NTM: variants seen among roughly 807,000 people sequenced by gnomAD.
NTM encodes neurotrimin.
In NTM, 13 loss-of-function variants were observed where a neutral mutation model predicts 42.1. The observed-to-expected ratio is 0.31, with a 90% confidence interval of 0.20 to 0.49. The LOEUF (loss-of-function observed/expected upper bound fraction) is 0.49. Ranked by LOEUF, NTM falls within the 20% of genes least tolerant of loss-of-function variation. The pLI is 0.99. For synonymous variants in NTM, 187 were observed against 179.2 expected (o/e 1.04, Z -0.35); for missense variants, 373 against 452.8 (o/e 0.82, Z 1.60).
At position 132,247,418 on chromosome 11, in the gene NTM, G is replaced by T. The variant is rs79154457; in HGVS notation, c.526+35271G>T. ...GGGATCATAACTTCCTCAGAGGCAGGTTGTAAGCAAGCAATCAGTGAGGAA... is the reference window on the plus strand; with the variant it reads ...GGGATCATAACTTCCTCAGAGGCAGTTTGTAAGCAAGCAATCAGTGAGGAA... On this transcript the variant is annotated intron_variant, in intron 4 of 8. Transcript: ENST00000683400. Among the ~76,000 whole-genome samples the T allele has an allele frequency of 6.8e-4, 103 of 152,332 alleles. 3 individuals carry two copies. In the East Asian group the frequency reaches 0.019, roughly 29 times the overall value.
intron 4 of NTM, among the ~76,000 whole-genome samples, chr11:132,288,498 C>T (rs1254782776): frequency 2.0e-5 from 3 of 152,244 alleles, no homozygotes; most frequent in Non-Finnish European, 1.5e-5. Flanking sequence ...TACATCAATT[C>T]ATGTATAGAA....
In NTM at chr11:132,002,442, A is replaced by G. The variant is rs2069516105; in HGVS notation, c.167+90794A>G. ...TTGGTTGAATAGGATAAGAATGAGA[A>G]TTTTGAGTGTCAGTGATCAACAATT... On this transcript the variant is annotated intron_variant, in intron 2 of 8. Transcript: ENST00000683400. The surrounding 1 kb of genome is among the most constrained non-coding windows in gnomAD (Gnocchi z 4.5). Among the ~76,000 whole-genome samples, 1 of 152,174 alleles carries G rather than the reference A, an allele frequency of 6.6e-6. No homozygotes were observed. Among genetic ancestry groups the G allele is most frequent in the Non-Finnish European group, 1.5e-5 (1 of 68,026 alleles).
chr11:131,424,600 C>CTTTTCTTTTCTTTTTTTTTTTT (rs1555108116), intron 1 of NTM, among the ~76,000 whole-genome samples: 1 of 56,052 alleles, frequency 1.8e-5, no homozygotes, highest in African/African-American at 7.3e-5. Context: ...CTTTTCTTTT[C>CTTTTCTTTTCTTTTTTTTTTTT]TTTTTTTTTT....
intron 1 of NTM, among the ~76,000 whole-genome samples, chr11:131,526,232 C>A (rs577506949): frequency 1.3e-5 from 2 of 152,196 alleles, no homozygotes; most frequent in Admixed American, 1.3e-4. Context: ...GTCTGACCCC[C>A]ACTTTACTGC....
At chr11:131,500,186 G>C (rs564383649) in intron 1 of NTM, among the ~76,000 whole-genome samples, 1 of 152,162 alleles carries the variant, frequency 6.6e-6, no homozygotes, top group Non-Finnish European at 1.5e-5. Context: ...CAGAGGAGGC[G>C]GGAGAGAGGA....
intron 4 of NTM, among the ~76,000 whole-genome samples, chr11:132,265,754 T>A (rs938896770): frequency 6.6e-6 from 1 of 152,212 alleles, no homozygotes; most frequent in African/African-American, 2.4e-5. Flanking sequence ...TTCAAGCATT[T>A]TTTTTATGTA....
rs1491351083 is a variant in NTM at position 131,874,029 on chromosome 11, TAA to T, written c.83-37534_83-37533del. 9.0e-4 allele frequency among the ~76,000 whole-genome samples: 46 copies of T among 50,950 alleles called. 3 individuals carry two copies. Among genetic ancestry groups the T allele is most frequent in the Middle Eastern group, 0.011 (1 of 90 alleles). 33.4% of individuals were successfully genotyped at this position (50,950 alleles called of 152,430 possible). A position where few individuals can be genotyped will look rare whatever the true frequency, so the allele number is the denominator to read the frequency against. Reference sequence around the variant, plus strand: ...TATAATATATTTATATAATATAATATAATATATATATATATATATATATATAT... The same window carrying T: ...TATAATATATTTATATAATATAATATTATATATATATATATATATATATAT... On this transcript the variant is annotated intron_variant, in intron 1 of 8. Transcript: ENST00000683400.
In NTM at chr11:131,936,665, A is replaced by G. The variant is rs116120430; in HGVS notation, c.167+25017A>G. ...AATAAAAACAATTTTTTAAAAAACT[A>G]CGCACATGCATACACACACAAACAC... On this transcript the variant is annotated intron_variant, in intron 2 of 8. Transcript: ENST00000683400. Among the ~76,000 whole-genome samples, 442 of 152,358 alleles carry G rather than the reference A, an allele frequency of 2.9e-3. 7 individuals carry two copies. Among genetic ancestry groups the G allele is most frequent in the African/African-American group, 9.6e-3 (398 of 41,582 alleles).
At chr11:131,838,626 G>A (rs540615045) in intron 1 of NTM, among the ~76,000 whole-genome samples, 5 of 152,282 alleles carry the variant, frequency 3.3e-5, no homozygotes, top group South Asian at 4.2e-4. Flanking sequence ...GGAACAGAGG[G>A]AGAAAGTTAA....
chr11:131,613,448 A>AG (rs371662970), intron 1 of NTM, among the ~76,000 whole-genome samples: 46 of 152,312 alleles, frequency 3.0e-4, no homozygotes, highest in African/African-American at 1.1e-3. Context: ...CCCCATCCTC[A>AG]GGTGGCTCCT....
intron 4 of NTM, among the ~76,000 whole-genome samples, chr11:132,286,522 C>G (rs567609713): frequency 8.2e-4 from 125 of 152,220 alleles, no homozygotes; most frequent in Non-Finnish European, 1.2e-3. Flanking sequence ...GTCCGCCCCC[C>G]CCACCCAAAC....
intron 1 of NTM, among the ~76,000 whole-genome samples, chr11:131,763,594 T>C (rs1479812856): frequency 6.6e-6 from 1 of 151,908 alleles, no homozygotes; most frequent in Non-Finnish European, 1.5e-5. Context: ...AAAATCCCTA[T>C]ACATGTCTGA....
At chr11:132,030,379 G>A (rs2075760401) in intron 2 of NTM, among the ~76,000 whole-genome samples, 1 of 152,172 alleles carries the variant, frequency 6.6e-6, no homozygotes, top group Admixed American at 6.5e-5. Context: ...CCAAAACACT[G>A]TGCTGTAGGA....
chr11:131,464,769 G>A (rs1016164821), intron 1 of NTM, among the ~76,000 whole-genome samples: 5 of 152,216 alleles, frequency 3.3e-5, no homozygotes, highest in African/African-American at 1.2e-4. Flanking sequence ...ATCTGTCAGT[G>A]TCCAAGCGGG....
At chr11:132,288,200 A>C (rs1591764401) in intron 4 of NTM, among the ~76,000 whole-genome samples, 1 of 152,216 alleles carries the variant, frequency 6.6e-6, no homozygotes, top group African/African-American at 2.4e-5. Context: ...TATGATTCTT[A>C]GTGGAATAGA....
chr11:132,335,678 G>A lies in NTM; in HGVS notation c.*532G>A, dbSNP rs1282006273. The A allele has an allele frequency of 3.3e-5, 5 of 152,050 alleles. No homozygotes were observed. Among genetic ancestry groups the A allele is most frequent in the African/African-American group, 1.2e-4 (5 of 41,302 alleles). The allele number at this position is 152,050 out of a possible 1,614,324, so 9.4% of individuals were successfully genotyped here. On this transcript the variant is annotated 3_prime_UTR_variant, in exon 9 of 9. Coordinates refer to ENST00000683400, the MANE Select transcript of NTM (RefSeq NM_001352005.2). ...AAGAAAAAGGAAACAAAATAAGACC[G>A]TCTGACAGCAACAACGGTCCCACAA...
chr11:131,557,512 C>T (rs920292668), intron 1 of NTM, among the ~76,000 whole-genome samples: 5 of 152,134 alleles, frequency 3.3e-5, no homozygotes, highest in East Asian at 1.9e-4. Flanking sequence ...GCCTATTAAG[C>T]GCTCTCCTTT....
intron 1 of NTM, chr11:131,777,123 T>C: frequency 2.3e-6 from 2 of 875,782 alleles, no homozygotes; most frequent in Non-Finnish European, 2.7e-6. Context: ...AAGTACTCAG[T>C]GTATTTATAT....
intron 1 of NTM, among the ~76,000 whole-genome samples, chr11:131,501,448 G>C (rs1015719440): frequency 6.6e-6 from 1 of 152,122 alleles, no homozygotes; most frequent in Admixed American, 6.6e-5. Context: ...AATTGCTCCT[G>C]GGCTGGAGCC....
Sources: allele counts gnomAD v4.1 joint callset (sites outside exome capture counted in the v4.1 genomes callset), GRCh38; gene constraint gnomAD v4.1.1; non-coding constraint Gnocchi (gnomAD v3.1); transcripts MANE v1.5; gene names NCBI Gene and HGNC (gene_info 2026-07-23, HGNC 2026-07-21).